The following PTPRT variants were observed in gnomAD, a reference collection of about 807,000 sequenced individuals.
The protein encoded by PTPRT is protein tyrosine phosphatase receptor type T, also known as receptor-type tyrosine-protein phosphatase T.
Under a neutral mutation model 176.8 loss-of-function variants are expected in PTPRT, and 56 were observed. The ratio of observed to expected loss-of-function variants is 0.32; its 90% CI spans 0.26 to 0.40. The LOEUF (loss-of-function observed/expected upper bound fraction) is 0.40, where lower values mean the gene tolerates loss of function less well. PTPRT is among the 10% of genes least tolerant of loss of function. The pLI, the probability that PTPRT is intolerant of heterozygous loss-of-function variation, is 1.00. For synonymous variants in PTPRT, 783 were observed against 739.0 expected, an observed-to-expected ratio of 1.06 and a Z score of -0.96; for missense variants, 1,540 against 1,908.2, an observed-to-expected ratio of 0.81 and a Z score of 3.60.
intron 6 of PTPRT, among the ~76,000 whole-genome samples, chr20:42,717,669 A>T (rs2076245551): frequency 6.6e-6 from 1 of 152,230 alleles, no homozygotes; most frequent in South Asian, 2.1e-4. Flanking sequence ...ACATCTTTAA[A>T]ATCAAAACTG....
intron 7 of PTPRT, among the ~76,000 whole-genome samples, chr20:42,550,581 T>C (rs995599791): frequency 2.6e-5 from 4 of 152,026 alleles, no homozygotes; most frequent in Non-Finnish European, 5.9e-5. Flanking sequence ...TATTAACCCA[T>C]GGTATCTCTT....
intron 13 of PTPRT, among the ~76,000 whole-genome samples, chr20:42,278,648 G>T (rs1488948352): frequency 1.3e-5 from 2 of 152,160 alleles, no homozygotes; most frequent in African/African-American, 4.8e-5. Flanking sequence ...TATAGTTCTA[G>T]AATTGAACAA....
chr20:42,984,791 C>T (rs1419670022), intron 1 of PTPRT, among the ~76,000 whole-genome samples: 1 of 152,194 alleles, frequency 6.6e-6, no homozygotes, highest in African/African-American at 2.4e-5. Flanking sequence ...GTCCATTCTC[C>T]TTGTATGATG....
intron 12 of PTPRT, among the ~76,000 whole-genome samples, chr20:42,290,031 C>G (rs2057293720): frequency 6.6e-6 from 1 of 151,988 alleles, no homozygotes; most frequent in Non-Finnish European, 1.5e-5. Context: ...AGATTGTCAG[C>G]AAGCAAATCA....
At chr20:42,150,217 C>G (rs1201679981) in intron 17 of PTPRT, among the ~76,000 whole-genome samples, 1 of 152,148 alleles carries the variant, frequency 6.6e-6, no homozygotes, top group Non-Finnish European at 1.5e-5. Context: ...TAGAGCAGCT[C>G]ACTCCCAATT....
chr20:42,497,583 C>G (rs2071677945), intron 7 of PTPRT, among the ~76,000 whole-genome samples: 3 of 151,970 alleles, frequency 2.0e-5, no homozygotes, highest in Admixed American at 2.0e-4. Flanking sequence ...GTACCAGGCT[C>G]TTTTCTTGAC....
intron 7 of PTPRT, among the ~76,000 whole-genome samples, chr20:42,600,652 C>T (rs1042186376): frequency 6.6e-6 from 1 of 152,096 alleles, no homozygotes; most frequent in African/African-American, 2.4e-5. Flanking sequence ...TCTCTTATTC[C>T]ACTCTGTACG....
intron 6 of PTPRT, among the ~76,000 whole-genome samples, chr20:42,712,565 AC>A (rs2076160810): frequency 6.6e-6 from 1 of 152,168 alleles, no homozygotes; most frequent in African/African-American, 2.4e-5. Context: ...TATCAGCGTG[AC>A]CTTGGTTCTA....
intron 15 of PTPRT, among the ~76,000 whole-genome samples, chr20:42,231,108 C>T (rs550405879): frequency 4.3e-4 from 65 of 151,546 alleles, no homozygotes; most frequent in African/African-American, 1.5e-3. Flanking sequence ...ACTGCCCCAG[C>T]GGCCTCCTTA....
At chr20:42,736,258 G>T (rs566599973) in intron 6 of PTPRT, among the ~76,000 whole-genome samples, 2 of 152,322 alleles carry the variant, frequency 1.3e-5, no homozygotes, top group South Asian at 4.1e-4. Flanking sequence ...AGTAGGGAAA[G>T]GTATTCCAAA....
rs147421656 is a variant in PTPRT at position 43,029,269 on chromosome 20, G to A, written c.89-143337C>T. The stretch of plus-strand genomic sequence containing the variant: ...CAAGTCACAAGCCCCCAAATTACAC[G>A]GAACAGCTGTCCATCAAGTATTGCC... On this transcript the variant is annotated intron_variant, in intron 1 of 30. Coordinates refer to ENST00000373187, the MANE Select transcript of PTPRT (RefSeq NM_007050.6). Among the ~76,000 whole-genome samples the A allele has an allele frequency of 2.5e-3, 377 of 152,266 alleles. 3 individuals carry two copies. Among genetic ancestry groups the A allele is most frequent in the Admixed American group, 1.4e-3 (21 of 15,304 alleles).
intron 9 of PTPRT, among the ~76,000 whole-genome samples, chr20:42,375,631 T>C (rs1051646110): frequency 1.3e-5 from 2 of 152,220 alleles, no homozygotes; most frequent in Non-Finnish European, 2.9e-5. Context: ...AATTACCCAG[T>C]CCATGGTATT....
chr20:42,343,570 T>C (rs1197969158), intron 11 of PTPRT, among the ~76,000 whole-genome samples: 1 of 151,852 alleles, frequency 6.6e-6, no homozygotes, highest in Admixed American at 6.5e-5. Context: ...GGCAATGAGA[T>C]ACTACAAGCT....
intron 2 of PTPRT, among the ~76,000 whole-genome samples, chr20:42,827,885 G>T (rs2145680806): frequency 6.6e-6 from 1 of 152,286 alleles, no homozygotes; most frequent in Non-Finnish European, 1.5e-5. Context: ...ATGCTGAACG[G>T]TGAGTCAACT....
chr20:42,034,838 T>C, the PTPRT span, among the ~76,000 whole-genome samples: 36 of 152,128 alleles, frequency 2.4e-4, no homozygotes, highest in Non-Finnish European at 4.9e-4. Flanking sequence ...CTCATTGTGT[T>C]AAAAAAAGTG....
chr20:42,319,438 G>A (rs561422570), intron 11 of PTPRT, among the ~76,000 whole-genome samples: 5 of 152,044 alleles, frequency 3.3e-5, no homozygotes, highest in African/African-American at 1.2e-4. Context: ...AAACTGTGCA[G>A]TCAACATATG....
chr20:42,737,972 A>G (rs1201159899), intron 6 of PTPRT, among the ~76,000 whole-genome samples: 1 of 151,722 alleles, frequency 6.6e-6, no homozygotes, highest in Non-Finnish European at 1.5e-5. Context: ...GGAGCTGCTG[A>G]CTCCTGTTCT....
At chr20:42,200,567 C>A (rs149510873) in intron 15 of PTPRT, among the ~76,000 whole-genome samples, 97 of 152,224 alleles carry the variant, frequency 6.4e-4, no homozygotes, top group African/African-American at 2.2e-3. Context: ...TTAAAAAGTT[C>A]TTTTCTATGG....
chr20:42,596,428 C>T (rs2073671797), intron 7 of PTPRT, among the ~76,000 whole-genome samples: 1 of 152,162 alleles, frequency 6.6e-6, no homozygotes, highest in East Asian at 1.9e-4. Flanking sequence ...CTTTCCTTCC[C>T]ACTTCCATAC....
Sources: allele counts gnomAD v4.1 joint callset (sites outside exome capture counted in the v4.1 genomes callset), GRCh38; gene constraint gnomAD v4.1.1; transcripts MANE v1.5; gene names NCBI Gene and HGNC (gene_info 2026-07-23, HGNC 2026-07-21).